The following MARK1 variants were observed in gnomAD, a reference collection of about 807,000 sequenced individuals.
MARK1 encodes microtubule affinity regulating kinase 1, also known as serine/threonine-protein kinase MARK1.
A neutral mutation model predicts 96.3 loss-of-function variants in MARK1; 40 were observed. The ratio of observed to expected loss-of-function variants is 0.42; its 90% CI spans 0.32 to 0.54. The LOEUF is 0.54. Ranked by LOEUF, MARK1 falls within the 20% of genes least tolerant of loss-of-function variation. MARK1 has a pLI of 0.16. For missense variants in MARK1, 719 were observed against 984.6 expected, an observed-to-expected ratio of 0.73 and a Z score of 3.61; for synonymous variants, 317 against 341.2, an observed-to-expected ratio of 0.93 and a Z score of 0.78.
chr1:220,636,113 A>G (rs1300688922), intron 13 of MARK1, 87 bp downstream of exon 13: 2 of 938,420 alleles, frequency 2.1e-6, no homozygotes, highest in Non-Finnish European at 1.5e-6. Flanking sequence ...ATTTTTTTAA[A>G]TGATTGAAAA....
chr1:220,542,327 A>T (rs1263853125), intron 1 of MARK1, among the ~76,000 whole-genome samples: 1 of 152,066 alleles, frequency 6.6e-6, no homozygotes, highest in Non-Finnish European at 1.5e-5. Flanking sequence ...AGTCCCTAGG[A>T]GGTTAGATTT....
chr1:220,660,261 C>T (rs1050189726), intron 17 of MARK1, among the ~76,000 whole-genome samples: 1 of 151,818 alleles, frequency 6.6e-6, no homozygotes, highest in Non-Finnish European at 1.5e-5. Context: ...ATTCAGTGGG[C>T]AAAAAGAGAA....
rs11799728 is a variant in MARK1, at chr1:220,562,218, A to G, written c.52-17136A>G. ...GGTGATTCACGCCAGTAATCCCAGCACTTTGGGAGGCTGAGGCAGGTGGAT... is the reference window on the plus strand; with the variant it reads ...GGTGATTCACGCCAGTAATCCCAGCGCTTTGGGAGGCTGAGGCAGGTGGAT... On this transcript the variant is annotated intron_variant, in intron 1 of 17. Coordinates refer to ENST00000366917, the MANE Select transcript of MARK1 (RefSeq NM_018650.5). Among the ~76,000 whole-genome samples the G allele has an allele frequency of 8.6e-3, 1,305 of 152,278 alleles. 16 individuals carry two copies. The highest frequency in any genetic ancestry group is 0.029 in the African/African-American group (1,193 of 41,546).
At chr1:220,585,997 A>ACG (rs1287584165) in intron 3 of MARK1, among the ~76,000 whole-genome samples, 7 of 27,000 alleles carry the variant, frequency 2.6e-4, no homozygotes, top group African/African-American at 3.2e-4. Context: ...ACACACACAC[A>ACG]CACACACACA....
chr1:220,656,154 T>C (rs1669162018), intron 16 of MARK1, among the ~76,000 whole-genome samples: 1 of 152,200 alleles, frequency 6.6e-6, no homozygotes, highest in African/African-American at 2.4e-5. Flanking sequence ...GAGCATGCTG[T>C]GCTGCATATG....
chr1:220,546,470 T>A (rs181096825), intron 1 of MARK1, among the ~76,000 whole-genome samples: 9 of 152,322 alleles, frequency 5.9e-5, no homozygotes, highest in Admixed American at 4.6e-4. Context: ...ATTTAGCAAA[T>A]ACTAGGATTG....
chr1:220,563,271 A>G (rs1180585661), intron 1 of MARK1, among the ~76,000 whole-genome samples: 1 of 152,096 alleles, frequency 6.6e-6, no homozygotes, highest in African/African-American at 2.4e-5. Context: ...TTTATAAATA[A>G]TTTTCCTTAA....
chr1:220,540,543 T>C (rs1661065384), intron 1 of MARK1, among the ~76,000 whole-genome samples: 1 of 152,244 alleles, frequency 6.6e-6, no homozygotes, highest in African/African-American at 2.4e-5. Context: ...CCCAGTCAAA[T>C]TGACATATAA....
chr1:220,627,909 G>A (rs1032630788), intron 9 of MARK1: 2 of 152,144 alleles, frequency 1.3e-5, no homozygotes, highest in African/African-American at 4.8e-5. Flanking sequence ...AGTGGCCTCA[G>A]GTGAGCCAAG....
intron 13 of MARK1, among the ~76,000 whole-genome samples, chr1:220,644,708 G>T (rs1405835909): frequency 2.0e-5 from 3 of 152,216 alleles, no homozygotes; most frequent in Non-Finnish European, 2.9e-5. Flanking sequence ...AAAGGCAAAA[G>T]AACTGAAATC....
rs1438166689 is a variant in MARK1, at chr1:220,586,023, G to GCGCA, written c.309+4906_309+4907insGCAC. On this transcript the variant is annotated intron_variant, in intron 3 of 17. Coordinates refer to ENST00000366917, the MANE Select transcript of MARK1 (RefSeq NM_018650.5). ...CACACACACACACACGCGCGCGTGCGCAGAGAGAGAGAGTTTAAAATGTAA... is the reference window on the plus strand; with the variant it reads ...CACACACACACACACGCGCGCGTGCGCGCACAGAGAGAGAGAGTTTAAAATGTAA... Among the ~76,000 whole-genome samples the GCGCA allele has an allele frequency of 7.1e-5, 10 of 141,290 alleles. No homozygotes were observed. The South Asian group carries it at 2.0e-3, about 28-fold the overall frequency. The allele number at this position is 141,290 out of a possible 152,430, so 92.7% of individuals were successfully genotyped here.
At chr1:220,644,547 T>C (rs1668478721) in intron 13 of MARK1, among the ~76,000 whole-genome samples, 1 of 147,244 alleles carries the variant, frequency 6.8e-6, no homozygotes, top group South Asian at 2.2e-4. Context: ...AACAAGATAC[T>C]CAGGACTTGA....
chr1:220,598,756 G>T (rs1250496708), intron 4 of MARK1, among the ~76,000 whole-genome samples: 1 of 152,088 alleles, frequency 6.6e-6, no homozygotes, highest in Non-Finnish European at 1.5e-5. Flanking sequence ...CACTTTGGGA[G>T]GCTGAGGCAG....
intron 6 of MARK1, 36 bp from the exon 7 acceptor site, chr1:220,615,903 A>G: frequency 2.5e-6 from 3 of 1,200,752 alleles, no homozygotes; most frequent in Middle Eastern, 1.9e-4. Flanking sequence ...GCGTTTTTTT[A>G]ATAATTTGAC....
intron 16 of MARK1, among the ~76,000 whole-genome samples, chr1:220,655,422 A>G (rs772677552): frequency 1.2e-4 from 19 of 152,190 alleles, no homozygotes; most frequent in Non-Finnish European, 2.1e-4. Context: ...CTGAAACAGA[A>G]CATGTTCAAA....
At chr1:220,653,615 G>A (rs552329595) in intron 16 of MARK1, among the ~76,000 whole-genome samples, 5 of 152,230 alleles carry the variant, frequency 3.3e-5, no homozygotes, top group East Asian at 1.9e-4. Context: ...CTTCAAAAAT[G>A]TGTGTTTTAA....
chr1:220,648,431 T>G (rs1460506938), intron 13 of MARK1, among the ~76,000 whole-genome samples: 1 of 152,244 alleles, frequency 6.6e-6, no homozygotes, highest in African/African-American at 2.4e-5. Flanking sequence ...ATGGAAGCAG[T>G]GACACTGTGT....
intron 1 of MARK1, among the ~76,000 whole-genome samples, chr1:220,562,763 A>G (rs1008853264): frequency 1.3e-4 from 20 of 152,152 alleles, no homozygotes; most frequent in African/African-American, 4.8e-4. Flanking sequence ...ATATCCTCCT[A>G]TATACTTTAA....
chr1:220,629,142 A>G (rs78792803), intron 9 of MARK1, among the ~76,000 whole-genome samples: 2,192 of 152,250 alleles, frequency 0.014, 28 homozygotes, highest in Middle Eastern at 0.044. Context: ...TAATTAGTGG[A>G]ATATTGGCAA....
Sources: allele counts gnomAD v4.1 joint callset (sites outside exome capture counted in the v4.1 genomes callset), GRCh38; gene constraint gnomAD v4.1.1; transcripts MANE v1.5; gene names NCBI Gene and HGNC (gene_info 2026-07-23, HGNC 2026-07-21).